Variants in RGS7 observed in about 807,000 individuals in gnomAD.
The protein encoded by RGS7 is regulator of G protein signaling 7, also known as regulator of G-protein signaling 7.
In RGS7, 27 loss-of-function variants were observed where a neutral mutation model predicts 81.1. That is an observed-to-expected ratio of 0.33 (90% CI 0.25 to 0.46). RGS7 has a LOEUF of 0.46. Among genes scored for constraint, RGS7 ranks in the 20% least tolerant of loss-of-function variants. The pLI is 1.00. For missense variants in RGS7, 396 were observed against 607.4 expected (o/e 0.65, Z 3.66); for synonymous variants, 208 against 207.7 (o/e 1.00, Z -0.01).
chr1:240,781,610 A>G (rs1007807936), intron 18 of RGS7, among the ~76,000 whole-genome samples: 6 of 152,162 alleles, frequency 3.9e-5, no homozygotes, highest in Non-Finnish European at 7.3e-5. Flanking sequence ...TGTCTCAACA[A>G]ACAAACAAAC....
At chr1:240,901,318 A>G (rs1669973850) in intron 6 of RGS7, among the ~76,000 whole-genome samples, 1 of 152,144 alleles carries the variant, frequency 6.6e-6, no homozygotes, top group Admixed American at 6.5e-5. Flanking sequence ...CCCCAGTGAG[A>G]TGAACCTGGT....
At chr1:241,141,647 A>G (rs2067930147) in intron 2 of RGS7, among the ~76,000 whole-genome samples, 1 of 152,178 alleles carries the variant, frequency 6.6e-6, no homozygotes, top group Non-Finnish European at 1.5e-5. Context: ...TCACAAGAAC[A>G]GCATGGGGGT....
In RGS7 at chr1:241,144,309, G is replaced by A. The variant is rs898449736; in HGVS notation, c.79-45547C>T. ...TTTATACCAAACTTTTCCTGCAAAC[G>A]CATCCATCACACACACATGTGGATA... On this transcript the variant is annotated intron_variant, in intron 2 of 18. Transcript: ENST00000440928. The surrounding 1 kb of genome is among the most constrained non-coding windows in gnomAD (Gnocchi z 4.7). Among the ~76,000 whole-genome samples, 1 of 152,012 alleles carries A rather than the reference G, an allele frequency of 6.6e-6. No individual in the cohort carries two copies. Among genetic ancestry groups the A allele is most frequent in the Non-Finnish European group, 1.5e-5 (1 of 68,008 alleles).
chr1:241,077,830 G>A (rs984934965), intron 3 of RGS7, among the ~76,000 whole-genome samples: 9 of 152,088 alleles, frequency 5.9e-5, no homozygotes, highest in African/African-American at 1.7e-4. Context: ...ATCACTATCC[G>A]TGTCACCCCT....
chr1:241,132,777 G>C (rs2067207936), intron 2 of RGS7, among the ~76,000 whole-genome samples: 1 of 149,984 alleles, frequency 6.7e-6, no homozygotes, highest in Admixed American at 6.7e-5. Context: ...TTGTTTGTTT[G>C]TTTTAGACGG....
At position 240,825,809 on chromosome 1, in the gene RGS7, G is replaced by A. The variant is rs185707203; in HGVS notation, c.684+1289C>T. On this transcript the variant is annotated intron_variant, in intron 10 of 18. Coordinates refer to ENST00000440928, the MANE Select transcript of RGS7 (RefSeq NM_001364886.1). ...AGAAAGATGATCTATACTGAATATG[G>A]TGCCGAAGAGAGAGTATAAATGATG... Among the ~76,000 whole-genome samples, 72 of 152,258 alleles carry A rather than the reference G, an allele frequency of 4.7e-4. 1 individual carries two copies. In the East Asian group the frequency reaches 0.011, roughly 22 times the overall value.
intron 18 of RGS7, among the ~76,000 whole-genome samples, chr1:240,780,397 G>T (rs1285511836): frequency 2.9e-5 from 4 of 135,638 alleles, no homozygotes; most frequent in African/African-American, 1.2e-4. Flanking sequence ...GCCAAGATAG[G>T]CCACTGTACT....
At chr1:241,184,645 A>G (rs2103330881) in intron 2 of RGS7, among the ~76,000 whole-genome samples, 1 of 152,312 alleles carries the variant, frequency 6.6e-6, no homozygotes, top group East Asian at 1.9e-4. Context: ...ATATTGTATA[A>G]AATTATTTTC....
chr1:240,802,167 CA>C (rs1688128137), intron 16 of RGS7, among the ~76,000 whole-genome samples: 2 of 152,238 alleles, frequency 1.3e-5, no homozygotes, highest in South Asian at 4.1e-4. Flanking sequence ...ATGAACTACA[CA>C]AAATTATAAT....
At chr1:240,955,542 ACT>A (rs1680236218) in intron 4 of RGS7, among the ~76,000 whole-genome samples, 1 of 88,832 alleles carries the variant, frequency 1.1e-5, no homozygotes, top group African/African-American at 4.0e-5. Context: ...GCAGAGCAAG[ACT>A]CTGTCTCAAA....
At chr1:240,829,857 T>C (rs1693523079) in intron 9 of RGS7, among the ~76,000 whole-genome samples, 1 of 152,082 alleles carries the variant, frequency 6.6e-6, no homozygotes, top group South Asian at 2.1e-4. Context: ...GTCATAGAGA[T>C]TTTCTTCCAT....
intron 6 of RGS7, among the ~76,000 whole-genome samples, chr1:240,902,681 T>C (rs1670204660): frequency 6.6e-6 from 1 of 152,184 alleles, no homozygotes; most frequent in Non-Finnish European, 1.5e-5. Context: ...TCCAAGATGG[T>C]AGATTACTGG....
chr1:241,202,064 G>A (rs576364695), intron 2 of RGS7, among the ~76,000 whole-genome samples: 16 of 136,648 alleles, frequency 1.2e-4, no homozygotes, highest in African/African-American at 4.5e-4. Flanking sequence ...ACCCTAATTG[G>A]GTTACTTCCA....
intron 2 of RGS7, among the ~76,000 whole-genome samples, chr1:241,256,751 C>G (rs1038322432): frequency 6.6e-6 from 1 of 152,038 alleles, no homozygotes. Context: ...CTAATCCCAA[C>G]CAGGAGGGCT....
chr1:241,295,070 T>A (rs1285410915), intron 2 of RGS7, among the ~76,000 whole-genome samples: 1 of 152,250 alleles, frequency 6.6e-6, no homozygotes, highest in South Asian at 2.1e-4. Flanking sequence ...GAATTTTAGT[T>A]CCTTCCTACT....
At chr1:240,932,605 T>C (rs1404605072) in intron 5 of RGS7, among the ~76,000 whole-genome samples, 2 of 145,924 alleles carry the variant, frequency 1.4e-5, no homozygotes, top group African/African-American at 5.1e-5. Flanking sequence ...GCCTCCCGGG[T>C]TCACGCCATT....
At chr1:241,148,183 T>C (rs2068493388) in intron 2 of RGS7, among the ~76,000 whole-genome samples, 1 of 151,598 alleles carries the variant, frequency 6.6e-6, no homozygotes, top group Admixed American at 6.6e-5. Context: ...CCCAAGTAGC[T>C]GAGATTACAG....
chr1:240,962,099 A>G (rs1186654976), intron 4 of RGS7, among the ~76,000 whole-genome samples: 1 of 151,958 alleles, frequency 6.6e-6, no homozygotes, highest in Non-Finnish European at 1.5e-5. Context: ...TCAACTCCCA[A>G]CCCCTTCCTT....
intron 9 of RGS7, among the ~76,000 whole-genome samples, chr1:240,864,193 C>T (rs1299425390): frequency 1.3e-5 from 2 of 152,134 alleles, no homozygotes; most frequent in African/African-American, 2.4e-5. Flanking sequence ...CTCTTTATGA[C>T]TGGCCTTAGT....
Sources: allele counts gnomAD v4.1 joint callset (sites outside exome capture counted in the v4.1 genomes callset), GRCh38; gene constraint gnomAD v4.1.1; non-coding constraint Gnocchi (gnomAD v3.1); transcripts MANE v1.5; gene names NCBI Gene and HGNC (gene_info 2026-07-23, HGNC 2026-07-21).